Variants in CNOT2 observed in about 807,000 individuals in gnomAD.
CNOT2 encodes the protein CCR4-NOT transcription complex subunit 2, also known as CC chemokine receptor 4-negative regulator of transcription 2.
In CNOT2, 7 loss-of-function variants were observed where a neutral mutation model predicts 72.1. The observed-to-expected ratio is 0.10, with a 90% CI of 0.06 to 0.18. The LOEUF (loss-of-function observed/expected upper bound fraction) is 0.18. Among genes scored for constraint, CNOT2 ranks in the 10% least tolerant of loss-of-function variants. The probability of loss-of-function intolerance (pLI) is 1.00; values close to 1 mark genes in which losing one functional copy is unlikely to be tolerated. For synonymous variants in CNOT2, 196 were observed against 225.6 expected, an observed-to-expected ratio of 0.87 and a Z score of 1.17; for missense variants, 345 against 660.3, an observed-to-expected ratio of 0.52 and a Z score of 5.23.
chr12:70,267,775 A>G (rs1166669397), intron 1 of CNOT2, among the ~76,000 whole-genome samples: 1 of 152,278 alleles, frequency 6.6e-6, no homozygotes, highest in East Asian at 1.9e-4. Context: ...GGAAAAGAAT[A>G]GTCTATCACA....
intron 2 of CNOT2, chr12:70,294,325 A>C: frequency 7.8e-7 from 1 of 1,282,510 alleles, no homozygotes. Flanking sequence ...GCCGGGGGAA[A>C]AATGGTACTG....
intron 1 of CNOT2, among the ~76,000 whole-genome samples, chr12:70,263,538 A>G (rs768621818): frequency 5.3e-5 from 8 of 152,114 alleles, no homozygotes; most frequent in Non-Finnish European, 1.2e-4. Flanking sequence ...TAACTACATA[A>G]TATCTCTTTT....
intron 4 of CNOT2, chr12:70,327,453 C>T (rs1295963422): frequency 6.6e-6 from 1 of 151,872 alleles, no homozygotes; most frequent in African/African-American, 2.4e-5. Context: ...AGAGCATTAG[C>T]AGCTAAGAGA....
chr12:70,330,776 G>A (rs1164560784), intron 6 of CNOT2: 6 of 233,994 alleles, frequency 2.6e-5, no homozygotes, highest in Middle Eastern at 1.4e-3. Flanking sequence ...GATTACCTGT[G>A]TGGTAAGAGT....
chr12:70,249,850 T>G (rs573476767), intron 1 of CNOT2, among the ~76,000 whole-genome samples: 15 of 152,226 alleles, frequency 9.9e-5, no homozygotes, highest in African/African-American at 2.9e-4. Context: ...TATTGCACCA[T>G]TATTCTGAGG....
At chr12:70,326,314 TTGA>T (rs1189949831) in intron 4 of CNOT2, among the ~76,000 whole-genome samples, 1 of 151,850 alleles carries the variant, frequency 6.6e-6, no homozygotes, top group Non-Finnish European at 1.5e-5. Context: ...TAGTGCTTTG[TTGA>T]TAAGTGCCCA....
At chr12:70,283,189 G>A (rs1870177588) in intron 2 of CNOT2, among the ~76,000 whole-genome samples, 1 of 152,128 alleles carries the variant, frequency 6.6e-6, no homozygotes, top group Non-Finnish European at 1.5e-5. Flanking sequence ...TCTTACAGCT[G>A]ATGGTGACTT....
intron 2 of CNOT2, among the ~76,000 whole-genome samples, chr12:70,289,041 C>T (rs144496775): frequency 6.6e-6 from 1 of 151,756 alleles, no homozygotes; most frequent in Non-Finnish European, 1.5e-5. Context: ...CCTTGCCCTG[C>T]TTTATTTTCT....
intron 2 of CNOT2, among the ~76,000 whole-genome samples, chr12:70,308,555 T>TTCTTTC (rs1555199527): frequency 0.01 from 1,355 of 134,182 alleles, 9 homozygotes; most frequent in East Asian, 0.03. Context: ...TTGGTATATT[T>TTCTTTC]TCTCTCTCTC....
At chr12:70,311,091 A>G in intron 3 of CNOT2, 74 bp downstream of exon 3, 1 of 1,033,660 alleles carries the variant, frequency 9.7e-7, no homozygotes, top group African/African-American at 1.6e-5. Flanking sequence ...ACAGCATATC[A>G]AGTGCAGAAT....
At chr12:70,284,433 A>G (rs968201631) in intron 2 of CNOT2, among the ~76,000 whole-genome samples, 7 of 151,936 alleles carry the variant, frequency 4.6e-5, no homozygotes, top group Admixed American at 2.0e-4. Flanking sequence ...TTCGGTAGAT[A>G]CAGGATTTTA....
intron 4 of CNOT2, among the ~76,000 whole-genome samples, chr12:70,328,607 T>C (rs574691914): frequency 6.3e-4 from 96 of 151,952 alleles, no homozygotes; most frequent in Admixed American, 9.8e-4. Flanking sequence ...AAATTTATAA[T>C]TCCTATGATC....
At position 70,286,965 on chromosome 12, in the gene CNOT2, G is replaced by T. The variant is rs542269090; in HGVS notation, c.48+8691G>T. On this transcript the variant is annotated intron_variant, in intron 2 of 15. Transcript: ENST00000229195. The stretch of plus-strand genomic sequence containing the variant: ...TAAAAAAAAATTTTTAGTTATAGGT[G>T]TTATTGAAATATAGTTGACTTTTAA... Among the ~76,000 whole-genome samples, 7 of 151,872 alleles carry T rather than the reference G, an allele frequency of 4.6e-5. No homozygotes were observed. The South Asian group carries it at 1.5e-3, about 32-fold the overall frequency.
intron 15 of CNOT2, among the ~76,000 whole-genome samples, chr12:70,347,100 C>T (rs1882275905): frequency 1.3e-5 from 2 of 151,434 alleles, no homozygotes; most frequent in African/African-American, 4.8e-5. Flanking sequence ...ATCAATGATT[C>T]TGAGGTTTAT....
chr12:70,285,286 C>CATG (rs1421807417), intron 2 of CNOT2: 1 of 151,804 alleles, frequency 6.6e-6, no homozygotes, highest in Non-Finnish European at 1.5e-5. Context: ...CTCGGCTCAC[C>CATG]GCAAGCTCTG....
In CNOT2 at chr12:70,284,096, C is replaced by T. The variant is rs376192694; in HGVS notation, c.48+5822C>T. On this transcript the variant is annotated intron_variant, in intron 2 of 15. Transcript: ENST00000229195. The stretch of plus-strand genomic sequence containing the variant: ...AGCTGGGATTACAGGCATGTGCCAC[C>T]ATGCCCAGCTAATTGTGTATTTGTT... Among the ~76,000 whole-genome samples the T allele has an allele frequency of 2.2e-3, 329 of 152,004 alleles. 2 individuals are homozygous for T. The highest frequency in any genetic ancestry group is 7.8e-3 in the African/African-American group (323 of 41,424).
rs1881031106 is a variant in CNOT2, at chr12:70,338,651, G to C, written c.1022-15G>C. The C allele has an allele frequency of 1.2e-6, 2 of 1,603,696 alleles. No homozygotes were observed. Among genetic ancestry groups the C allele is most frequent in the South Asian group, 2.2e-5 (2 of 89,144 alleles). On this transcript the variant is annotated splice_polypyrimidine_tract_variant and intron_variant, in intron 10 of 15. Transcript: ENST00000229195. ...TTTTCTTGAAAATAAAAGCAACTGTGTTTTTCCTACCCAGGTCGGGTTACT... is the reference window on the plus strand; with the variant it reads ...TTTTCTTGAAAATAAAAGCAACTGTCTTTTTCCTACCCAGGTCGGGTTACT...
intron 3 of CNOT2, among the ~76,000 whole-genome samples, chr12:70,313,690 A>G (rs1331137008): frequency 6.6e-6 from 1 of 152,252 alleles, no homozygotes; most frequent in East Asian, 1.9e-4. Context: ...GGATATATAT[A>G]AAATCAAAAC....
chr12:70,265,293 C>A (rs1429452175), intron 1 of CNOT2, among the ~76,000 whole-genome samples: 6 of 142,930 alleles, frequency 4.2e-5, no homozygotes, highest in African/African-American at 1.5e-4. Context: ...CTCTTCTCTT[C>A]TCTTCTCTTC....
Sources: gnomAD v4.1 joint callset for allele counts (sites outside exome capture counted in the v4.1 genomes callset) on GRCh38, gnomAD v4.1.1 for gene constraint, MANE v1.5 for transcripts, NCBI Gene and HGNC (gene_info 2026-07-23, HGNC 2026-07-21) for gene names.